ZNF577: variants seen among roughly 807,000 people sequenced by gnomAD.
ZNF577 encodes the protein zinc finger protein 577.
Under a neutral mutation model 13.9 loss-of-function variants are expected in ZNF577, and 14 were observed. The ratio of observed to expected loss-of-function variants is 1.00; its 90% CI spans 0.66 to 1.57. The LOEUF is 1.57. Ranked by LOEUF, ZNF577 falls within the 40% of genes most tolerant of loss-of-function variation. The probability of loss-of-function intolerance (pLI) is 0.00; values close to 1 mark genes in which losing one functional copy is unlikely to be tolerated. For synonymous variants in ZNF577, 203 were observed against 202.9 expected (o/e 1.00, Z 0.00); for missense variants, 555 against 579.2 (o/e 0.96, Z 0.43).
intron 9 of ZNF577, among the ~76,000 whole-genome samples, chr19:51,833,210 C>T (rs1409912075): frequency 1.3e-5 from 2 of 152,124 alleles, no homozygotes; most frequent in African/African-American, 2.4e-5. Context: ...CGGGCTCTAC[C>T]TGTGTTTCCC....
At chr19:51,850,097 C>T (rs924166103) in intron 5 of ZNF577, among the ~76,000 whole-genome samples, 2 of 152,080 alleles carry the variant, frequency 1.3e-5, no homozygotes, top group Non-Finnish European at 2.9e-5. Flanking sequence ...GATTTTTGGG[C>T]GGTGGTGGAA....
chr19:51,839,506 C>T (rs1007797637), intron 9 of ZNF577, among the ~76,000 whole-genome samples: 6 of 152,298 alleles, frequency 3.9e-5, no homozygotes, highest in Admixed American at 1.3e-4. Context: ...GATGGGTACA[C>T]AGGTGACCAC....
intron 9 of ZNF577, chr19:51,839,834 A>G (rs1188299254): frequency 6.6e-6 from 1 of 152,132 alleles, no homozygotes; most frequent in African/African-American, 2.4e-5. Context: ...GCAAACCTCC[A>G]CAAGTACCCC....
rs765755994 is a variant in ZNF577 at position 51,857,416 on chromosome 19, AAGAAAGAAAG to A, written c.284-12495_284-12486del. ...AAAGAAAGAAAGAAAGAAAGAAAGA[AAGAAAGAAAG>A]AAAAGAAAAAACAAAGAAAGGAAGG... is the stretch of plus-strand genomic sequence containing the variant. On this transcript the variant is annotated intron_variant and NMD_transcript_variant, in intron 5 of 10. Coordinates refer to the ZNF577 transcript ENST00000638827. Among the ~76,000 whole-genome samples the A allele has an allele frequency of 9.4e-3, 1,159 of 123,376 alleles. 36 individuals carry two copies. Among genetic ancestry groups the A allele is most frequent in the South Asian group, 0.024 (78 of 3,214 alleles). 80.9% of individuals were successfully genotyped at this position (123,376 alleles called of 152,430 possible).
chr19:51,872,163 CT>C lies in ZNF577; in HGVS notation c.*368del, dbSNP rs1386054877. ...TCATTTCTTACTTTCAAGAGTTTTT[CT>C]TTTCTACAAATTCTCCCATATTTTA... On this transcript the variant is annotated 3_prime_UTR_variant, in exon 6 of 6. Transcript: ENST00000638348. 1 of 163,938 alleles carries C rather than the reference CT, an allele frequency of 6.1e-6. No homozygotes were observed. Among genetic ancestry groups the C allele is most frequent in the Non-Finnish European group, 1.3e-5 (1 of 76,088 alleles). The allele number at this position is 163,938 out of a possible 1,614,324, so 10.2% of individuals were successfully genotyped here.
intron 9 of ZNF577, among the ~76,000 whole-genome samples, chr19:51,822,959 T>C (rs2084201472): frequency 2.0e-5 from 3 of 151,940 alleles, no homozygotes; most frequent in Non-Finnish European, 4.4e-5. Context: ...GCCTCCCAGG[T>C]TCAAGCAATT....
In ZNF577 at chr19:51,823,794, C is replaced by T. The variant is rs368542589; in HGVS notation, c.*600-12120G>A. On this transcript the variant is annotated intron_variant and NMD_transcript_variant, in intron 9 of 10. Transcript: ENST00000638827. ...TCCTCTGAATGAAACTGAGGAGGTG[C>T]TCCCTGAGCCTGCTGGCCACACCGT... is the stretch of plus-strand genomic sequence containing the variant. 6 of 1,610,720 alleles carry T rather than the reference C, an allele frequency of 3.7e-6. No individual in the cohort carries two copies. In the African/African-American group the frequency reaches 5.3e-5, roughly 14 times the overall value.
rs111770224 is a variant in ZNF577, at chr19:51,811,194, T to G, written c.*817+263A>C. On this transcript the variant is annotated intron_variant and NMD_transcript_variant, in intron 10 of 10. Coordinates refer to the ZNF577 transcript ENST00000638827. ...AGAAGGATCAATTTTAAGACCTTTTTGATGAGCCCATTTTAATCCTTCTGC... is the reference window on the plus strand; with the variant it reads ...AGAAGGATCAATTTTAAGACCTTTTGGATGAGCCCATTTTAATCCTTCTGC... Among the ~76,000 whole-genome samples the G allele has an allele frequency of 5.3e-5, 8 of 152,328 alleles. No homozygotes were observed. In the South Asian group the frequency reaches 1.7e-3, roughly 32 times the overall value.
intron 5 of ZNF577, among the ~76,000 whole-genome samples, chr19:51,846,801 A>T (rs7250981): frequency 0.11 from 17,063 of 151,856 alleles, 1,063 homozygotes; most frequent in African/African-American, 0.13. Flanking sequence ...TCTCACCAAA[A>T]CTCATCCCAC....
chr19:51,825,151 C>T (rs1037259457), intron 9 of ZNF577: 7 of 239,540 alleles, frequency 2.9e-5, no homozygotes, highest in African/African-American at 1.6e-4. Context: ...GTTCCCACTA[C>T]CCCCTCTTTG....
intron 9 of ZNF577, among the ~76,000 whole-genome samples, chr19:51,831,162 C>T (rs1423106611): frequency 1.3e-5 from 2 of 152,092 alleles, no homozygotes; most frequent in African/African-American, 4.8e-5. Flanking sequence ...GTTGTCCAGG[C>T]TGGAGTGCTG....
chr19:51,833,289 GTTTCCCCTTTT>G (rs2084270041), intron 9 of ZNF577, among the ~76,000 whole-genome samples: 1 of 50,890 alleles, frequency 2.0e-5, no homozygotes, highest in African/African-American at 7.8e-5. Flanking sequence ...CATCTTATTT[GTTTCCCCTTTT>G]TTGGAGATTA....
At chr19:51,855,367 CTG>C (rs55937420) in intron 5 of ZNF577, among the ~76,000 whole-genome samples, 15,909 of 143,376 alleles carry the variant, frequency 0.11, 904 homozygotes, top group South Asian at 0.14. Flanking sequence ...GCTGAGGGTG[CTG>C]TGTGTGTGTG....
chr19:51,813,161 C>CACACACACA (rs71304202), intron 9 of ZNF577, among the ~76,000 whole-genome samples: 2 of 149,432 alleles, frequency 1.3e-5, no homozygotes, highest in Non-Finnish European at 3.0e-5. Flanking sequence ...CACACACACA[C>CACACACACA]CCCATAAATT....
At chr19:51,860,186 C>T (rs2084481600) in intron 5 of ZNF577, 2 of 152,148 alleles carry the variant, frequency 1.3e-5, no homozygotes, top group African/African-American at 2.4e-5. Flanking sequence ...CAATTTAAGA[C>T]ATGGTAGGAT....
At chr19:51,833,131 A>T (rs1182761668) in intron 9 of ZNF577, among the ~76,000 whole-genome samples, 1 of 152,208 alleles carries the variant, frequency 6.6e-6, no homozygotes. Context: ...ATTCAGTACT[A>T]ATCTTTCAAC....
At chr19:51,883,960 G>A (rs2084903460) in intron 1 of ZNF577, among the ~76,000 whole-genome samples, 1 of 152,120 alleles carries the variant, frequency 6.6e-6, no homozygotes, top group African/African-American at 2.4e-5. Context: ...TGTAAGCCCA[G>A]CTACTCGGGA....
Position 51,873,280 on chromosome 19 carries a change from G to T in ZNF577, c.710C>A (p.Thr237Lys). The change falls in exon 6 of 6, where the codon ACA becomes AAA. Residue 237 changes from threonine to lysine, a missense_variant. Physicochemically the swap from Thr to Lys is moderately conservative, Grantham distance 78. Transcript: ENST00000638348. ...GCTGCATCTGTAGGGTTTCTCTCCT[G>T]TATGGGTTCTCTGATGGACCATGAG... is the stretch of plus-strand genomic sequence containing the variant. ...SQLMVHQRTH[T>K]GEKPYRCSKC... is the part of the protein sequence containing the mutation. 1 of 1,613,304 alleles carries T rather than the reference G, an allele frequency of 6.2e-7. No individual in the cohort carries two copies. Among genetic ancestry groups the T allele is most frequent in the Non-Finnish European group, 8.5e-7 (1 of 1,179,324 alleles).
intron 9 of ZNF577, among the ~76,000 whole-genome samples, chr19:51,839,266 T>A (rs993380641): frequency 2.0e-5 from 3 of 152,138 alleles, no homozygotes; most frequent in Admixed American, 2.0e-4. Context: ...TGGTTGAGCA[T>A]GCCTTTAGTC....
Sources: gnomAD v4.1 joint callset for allele counts (sites outside exome capture counted in the v4.1 genomes callset) on GRCh38, gnomAD v4.1.1 for gene constraint, MANE v1.5 for transcripts, NCBI Gene and HGNC (gene_info 2026-07-23, HGNC 2026-07-21) for gene names.